Variants in OSBPL6 observed in about 807,000 individuals in gnomAD.
OSBPL6 encodes the protein oxysterol-binding protein-related protein 6.
A neutral mutation model predicts 125.8 loss-of-function variants in OSBPL6; 49 were observed. The ratio of observed to expected loss-of-function variants is 0.39; its 90% confidence interval spans 0.31 to 0.49. OSBPL6 has a LOEUF of 0.49. Among genes scored for constraint, OSBPL6 ranks in the 20% least tolerant of loss-of-function variants. OSBPL6 has a pLI of 0.88. For synonymous variants in OSBPL6, 394 were observed against 391.8 expected, an observed-to-expected ratio of 1.01 and a Z score of -0.07; for missense variants, 986 against 1,135.4, an observed-to-expected ratio of 0.87 and a Z score of 1.89.
chr2:178,230,998 T>A (rs1008701311), intron 1 of OSBPL6, among the ~76,000 whole-genome samples: 1 of 152,102 alleles, frequency 6.6e-6, no homozygotes, highest in Non-Finnish European at 1.5e-5. Flanking sequence ...GGGTTTGTCA[T>A]CTCACACTGA....
intron 1 of OSBPL6, among the ~76,000 whole-genome samples, chr2:178,264,728 T>C (rs9989738): frequency 0.36 from 55,063 of 152,108 alleles, 12,201 homozygotes; most frequent in East Asian, 0.66. Flanking sequence ...TCAAAGGGAA[T>C]GTGAAAACTC....
At chr2:178,344,278 A>G (rs1262937411) in intron 11 of OSBPL6, 3 of 1,612,630 alleles carry the variant, frequency 1.9e-6, no homozygotes, top group Non-Finnish European at 2.5e-6. Context: ...TCTCCCATTC[A>G]CCGTCAGGAA....
rs2091636808 is a variant in OSBPL6, at chr2:178,249,983, A to G, written c.-350-34944A>G. Among the ~76,000 whole-genome samples, 2 of 152,178 alleles carry G rather than the reference A, an allele frequency of 1.3e-5. 1 individual carries two copies. Among genetic ancestry groups the G allele is most frequent in the Admixed American group, 1.3e-4 (2 of 15,276 alleles). On this transcript the variant is annotated intron_variant, in intron 1 of 24. Coordinates refer to ENST00000190611, the MANE Select transcript of OSBPL6 (RefSeq NM_032523.4). ...GTCACCAATAGACATTTCAAACTTT[A>G]AGTACACAATAACACTAACAATACC... is the stretch of plus-strand genomic sequence containing the variant.
intron 9 of OSBPL6, among the ~76,000 whole-genome samples, chr2:178,338,265 T>G (rs565839263): frequency 1.1e-4 from 17 of 151,754 alleles, no homozygotes; most frequent in Admixed American, 2.0e-4. Flanking sequence ...TTTCACATAT[T>G]AAAGGTCAGT....
rs1232817815 is a variant in OSBPL6, at chr2:178,398,860, C to A, written c.*3301C>A. The A allele has an allele frequency of 6.6e-6, 1 of 152,106 alleles. No individual in the cohort carries two copies. The highest frequency in any genetic ancestry group is 1.5e-5 in the Non-Finnish European group (1 of 68,028). The allele number at this position is 152,106 out of a possible 1,614,324, so 9.4% of individuals were successfully genotyped here. On this transcript the variant is annotated 3_prime_UTR_variant, in exon 25 of 25. Transcript: ENST00000190611. ...TGGGGGCTGGATTTAGGGAGGAAAA[C>A]CTGATTAAACTGTTTTGCTTAGTAC...
intron 1 of OSBPL6, among the ~76,000 whole-genome samples, chr2:178,207,059 GT>G (rs1230251559): frequency 6.6e-6 from 1 of 152,106 alleles, no homozygotes; most frequent in Non-Finnish European, 1.5e-5. Context: ...TGTTTGTTTT[GT>G]TTTGTTTTTA....
chr2:178,306,557 G>A (rs1403044195), intron 3 of OSBPL6, among the ~76,000 whole-genome samples: 1 of 152,140 alleles, frequency 6.6e-6, no homozygotes, highest in Non-Finnish European at 1.5e-5. Context: ...TGCACCTGGA[G>A]GGGGAGCCAG....
chr2:178,346,847 C>T (rs141325675), intron 11 of OSBPL6, among the ~76,000 whole-genome samples: 1 of 152,226 alleles, frequency 6.6e-6, no homozygotes, highest in Non-Finnish European at 1.5e-5. Flanking sequence ...ATTAAAATGG[C>T]CCATTCCACG....
At chr2:178,283,250 G>T (rs1684388818) in intron 1 of OSBPL6, among the ~76,000 whole-genome samples, 2 of 152,126 alleles carry the variant, frequency 1.3e-5, no homozygotes, top group Non-Finnish European at 2.9e-5. Context: ...GCAGAAAGAT[G>T]GTACTTAAGG....
intron 2 of OSBPL6, among the ~76,000 whole-genome samples, chr2:178,304,108 C>T (rs941403997): frequency 3.3e-5 from 5 of 152,138 alleles, no homozygotes; most frequent in African/African-American, 1.2e-4. Context: ...CAGGTTAGGG[C>T]CCTGTCTCTC....
chr2:178,282,261 G>GAC (rs142579423), intron 1 of OSBPL6, among the ~76,000 whole-genome samples: 1 of 149,280 alleles, frequency 6.7e-6, no homozygotes, highest in African/African-American at 2.4e-5. Context: ...GGTAGCCAAG[G>GAC]ACACACACAC....
At chr2:178,252,467 G>A (rs553133630) in intron 1 of OSBPL6, among the ~76,000 whole-genome samples, 128 of 152,174 alleles carry the variant, frequency 8.4e-4, no homozygotes, top group Middle Eastern at 6.8e-3. Context: ...CATATTTTGT[G>A]GCCATAATTA....
At chr2:178,276,325 C>T (rs1449279743) in intron 1 of OSBPL6, among the ~76,000 whole-genome samples, 1 of 150,720 alleles carries the variant, frequency 6.6e-6, no homozygotes, top group African/African-American at 2.4e-5. Flanking sequence ...TTTCGTGAGT[C>T]ACATTTTTAA....
At chr2:178,356,938 A>G (rs541418924) in intron 12 of OSBPL6, among the ~76,000 whole-genome samples, 2 of 152,322 alleles carry the variant, frequency 1.3e-5, no homozygotes, top group East Asian at 1.9e-4. Context: ...AACACCACAC[A>G]TCTACAACCA....
intron 11 of OSBPL6, among the ~76,000 whole-genome samples, chr2:178,340,379 T>C (rs1448849234): frequency 6.6e-6 from 1 of 152,140 alleles, no homozygotes; most frequent in Admixed American, 6.6e-5. Context: ...ATAAATATTA[T>C]TTGGCTTTCA....
At chr2:178,280,205 T>A (rs12469658) in intron 1 of OSBPL6, among the ~76,000 whole-genome samples, 53,481 of 151,588 alleles carry the variant, frequency 0.35, 11,533 homozygotes, top group East Asian at 0.62. Flanking sequence ...CAAAAAAATT[T>A]AAAAAAAATA....
At chr2:178,329,240 A>G (rs1433027965) in intron 5 of OSBPL6, among the ~76,000 whole-genome samples, 1 of 152,204 alleles carries the variant, frequency 6.6e-6, no homozygotes, top group East Asian at 1.9e-4. Flanking sequence ...TTTGAAGGCT[A>G]CAGTTTATTC....
chr2:178,194,934 C>A (rs564618686), intron 1 of OSBPL6, among the ~76,000 whole-genome samples: 1 of 152,272 alleles, frequency 6.6e-6, no homozygotes, highest in South Asian at 2.1e-4. Flanking sequence ...ATCGCGGTCC[C>A]GGTTTGCCGC....
rs1469700779 is a variant in OSBPL6, at chr2:178,287,969, T to TG, written c.-156+2848_-156+2849insG. ...TGACATATGAAACAGGTTGATTTTT[T>TG]TTTTTTTAAGTAAAACTAACCAGTG... On this transcript the variant is annotated intron_variant, in intron 2 of 24. Coordinates refer to ENST00000190611, the MANE Select transcript of OSBPL6 (RefSeq NM_032523.4). Among the ~76,000 whole-genome samples, 182 of 151,954 alleles carry TG rather than the reference T, an allele frequency of 1.2e-3. 1 individual carries two copies. The highest frequency in any genetic ancestry group is 2.1e-3 in the Non-Finnish European group (141 of 67,938).
Sources: allele counts gnomAD v4.1 joint callset (sites outside exome capture counted in the v4.1 genomes callset), GRCh38; gene constraint gnomAD v4.1.1; transcripts MANE v1.5; gene names NCBI Gene and HGNC (gene_info 2026-07-23, HGNC 2026-07-21).